The following ARHGAP15 variants were observed in gnomAD, a reference collection of about 807,000 sequenced individuals.
The protein encoded by ARHGAP15 is Rho GTPase activating protein 15, also known as rho GTPase-activating protein 15.
A neutral mutation model predicts 63.7 loss-of-function variants in ARHGAP15; 51 were observed. The observed-to-expected ratio is 0.80, with a 90% CI of 0.64 to 1.01. The LOEUF (loss-of-function observed/expected upper bound fraction) is 1.01, where lower values mean the gene tolerates loss of function less well. Ranked by LOEUF, ARHGAP15 falls within the 50% of genes least tolerant of loss-of-function variation. The probability of loss-of-function intolerance (pLI) is 0.00; values close to 1 mark genes in which losing one functional copy is unlikely to be tolerated. For synonymous variants in ARHGAP15, 191 were observed against 193.8 expected (o/e 0.99, Z 0.12); for missense variants, 560 against 564.6 (o/e 0.99, Z 0.08).
chr2:143,625,676 A>G (rs1168942969), intron 12 of ARHGAP15, among the ~76,000 whole-genome samples: 2 of 152,220 alleles, frequency 1.3e-5, no homozygotes, highest in African/African-American at 4.8e-5. Context: ...AGGCATTTCC[A>G]TAACAGCTTT....
intron 12 of ARHGAP15, among the ~76,000 whole-genome samples, chr2:143,666,030 G>C (rs561331699): frequency 1.3e-5 from 2 of 150,940 alleles, no homozygotes; most frequent in Non-Finnish European, 3.0e-5. Context: ...ACCCCATCAA[G>C]CTACCAATGA....
At chr2:143,510,703 C>T (rs780255240) in intron 9 of ARHGAP15, among the ~76,000 whole-genome samples, 6 of 152,184 alleles carry the variant, frequency 3.9e-5, no homozygotes, top group African/African-American at 7.2e-5. Flanking sequence ...AATCAATATA[C>T]GTCATTACCA....
chr2:143,653,193 A>C (rs1343112187), intron 12 of ARHGAP15, among the ~76,000 whole-genome samples: 1 of 152,130 alleles, frequency 6.6e-6, no homozygotes, highest in African/African-American at 2.4e-5. Flanking sequence ...GATTTTTAAA[A>C]TGCTAAATCA....
intron 1 of ARHGAP15, among the ~76,000 whole-genome samples, chr2:143,130,413 A>G (rs1331310076): frequency 1.3e-5 from 2 of 152,134 alleles, no homozygotes; most frequent in African/African-American, 4.8e-5. Context: ...TTTTAATAAC[A>G]GCCCAAGATA....
chr2:143,379,762 T>C (rs540712927), intron 6 of ARHGAP15, among the ~76,000 whole-genome samples: 6 of 152,048 alleles, frequency 3.9e-5, no homozygotes, highest in African/African-American at 9.6e-5. Flanking sequence ...TTCAAGTAAA[T>C]ATACTTCAAA....
At chr2:143,196,353 G>A (rs1691886754) in intron 2 of ARHGAP15, among the ~76,000 whole-genome samples, 1 of 151,950 alleles carries the variant, frequency 6.6e-6, no homozygotes, top group Admixed American at 6.6e-5. Flanking sequence ...TTTGCAGGAC[G>A]TGATAATTCA....
chr2:143,324,194 A>G (rs1467361195), intron 6 of ARHGAP15, among the ~76,000 whole-genome samples: 1 of 152,222 alleles, frequency 6.6e-6, no homozygotes, highest in East Asian at 1.9e-4. Context: ...CAAAACTACA[A>G]GGAGAACAAA....
At chr2:143,271,221 A>G (rs950874322) in intron 6 of ARHGAP15, among the ~76,000 whole-genome samples, 5 of 152,214 alleles carry the variant, frequency 3.3e-5, no homozygotes, top group South Asian at 2.1e-4. Context: ...TTCTTCAGCC[A>G]TATGTGCATT....
rs1029301494 is a variant in ARHGAP15, at chr2:143,312,171, A to G, written c.474+61571A>G. On this transcript the variant is annotated intron_variant, in intron 6 of 13. Transcript: ENST00000295095. Reference sequence around the variant, plus strand: ...TTGCACCATAATCCTTTAAAGGATTACAGTATTTGGATAGGAAAAAAGATT... The same window carrying G: ...TTGCACCATAATCCTTTAAAGGATTGCAGTATTTGGATAGGAAAAAAGATT... 4.6e-5 allele frequency among the ~76,000 whole-genome samples: 7 copies of G among 152,170 alleles called. No homozygotes were observed. The East Asian group carries it at 7.7e-4, about 17-fold the overall frequency.
chr2:143,246,261 G>T lies in ARHGAP15; in HGVS notation c.385-4250G>T, dbSNP rs934119121. On this transcript the variant is annotated intron_variant, in intron 5 of 13. Transcript: ENST00000295095. Reference sequence around the variant, plus strand: ...TATTTTCAAAAGATTGTTGTAAGAAGTAAATGAGAAATCAATATTAAGCTT... The same window carrying T: ...TATTTTCAAAAGATTGTTGTAAGAATTAAATGAGAAATCAATATTAAGCTT... 2.0e-5 allele frequency among the ~76,000 whole-genome samples: 3 copies of T among 152,090 alleles called. No individual in the cohort carries two copies. The East Asian group carries it at 5.9e-4, about 30-fold the overall frequency.
intron 13 of ARHGAP15, among the ~76,000 whole-genome samples, chr2:143,728,287 A>AT (rs1685375697): frequency 6.6e-6 from 1 of 151,950 alleles, no homozygotes; most frequent in Non-Finnish European, 1.5e-5. Flanking sequence ...TCCTCTTTCT[A>AT]TAAGGACATC....
chr2:143,537,505 G>C (rs1694835543), intron 10 of ARHGAP15, among the ~76,000 whole-genome samples: 1 of 152,138 alleles, frequency 6.6e-6, no homozygotes, highest in South Asian at 2.1e-4. Context: ...AGTTTTTATG[G>C]TTTTAGATCT....
At chr2:143,678,163 G>A (rs969933641) in intron 12 of ARHGAP15, among the ~76,000 whole-genome samples, 4 of 152,138 alleles carry the variant, frequency 2.6e-5, no homozygotes, top group African/African-American at 7.2e-5. Context: ...AGTGAGCTGT[G>A]ATCATGCCAC....
intron 11 of ARHGAP15, among the ~76,000 whole-genome samples, chr2:143,611,165 T>A (rs1169587580): frequency 6.6e-6 from 1 of 152,128 alleles, no homozygotes; most frequent in African/African-American, 2.4e-5. Flanking sequence ...GGAACTCATG[T>A]TGTTTGTTAG....
intron 6 of ARHGAP15, among the ~76,000 whole-genome samples, chr2:143,262,690 C>T (rs1359586930): frequency 6.6e-6 from 1 of 151,918 alleles, no homozygotes; most frequent in African/African-American, 2.4e-5. Flanking sequence ...GCATATGCAA[C>T]CTTACTTTCT....
At chr2:143,132,969 T>C (rs541175887) in intron 1 of ARHGAP15, among the ~76,000 whole-genome samples, 6 of 152,222 alleles carry the variant, frequency 3.9e-5, no homozygotes, top group Non-Finnish European at 8.8e-5. Context: ...AGAGTGACTA[T>C]TATTTTAATA....
intron 2 of ARHGAP15, among the ~76,000 whole-genome samples, chr2:143,196,807 C>T (rs764430218): frequency 1.3e-5 from 2 of 151,860 alleles, no homozygotes; most frequent in Non-Finnish European, 2.9e-5. Flanking sequence ...TATATAAAAA[C>T]ATTTGGAAAC....
At chr2:143,450,723 G>T (rs1690369477) in intron 8 of ARHGAP15, among the ~76,000 whole-genome samples, 1 of 151,864 alleles carries the variant, frequency 6.6e-6, no homozygotes, top group South Asian at 2.1e-4. Context: ...AGGAAAAAAA[G>T]AAGAAGAAAA....
intron 6 of ARHGAP15, among the ~76,000 whole-genome samples, chr2:143,326,139 CT>C (rs1222839027): frequency 3.9e-5 from 6 of 152,152 alleles, no homozygotes; most frequent in African/African-American, 1.4e-4. Flanking sequence ...ATTAGAGATA[CT>C]TAACCAAACA....
Sources: gnomAD v4.1 joint callset for allele counts (sites outside exome capture counted in the v4.1 genomes callset) on GRCh38, gnomAD v4.1.1 for gene constraint, MANE v1.5 for transcripts, NCBI Gene and HGNC (gene_info 2026-07-23, HGNC 2026-07-21) for gene names.